The following FANK1 variants were observed in gnomAD, a reference collection of about 807,000 sequenced individuals.
FANK1 encodes the protein fibronectin type III and ankyrin repeat domains 1.
A neutral mutation model predicts 45.3 loss-of-function variants in FANK1; 44 were observed. That is an observed-to-expected ratio of 0.97 (90% CI 0.76 to 1.25). FANK1 has a LOEUF of 1.25. Among genes scored for constraint, FANK1 ranks in the 50% most tolerant of loss-of-function variants. The probability of loss-of-function intolerance (pLI) is 0.00; values close to 1 mark genes in which losing one functional copy is unlikely to be tolerated. For synonymous variants in FANK1, 149 were observed against 152.5 expected, an observed-to-expected ratio of 0.98 and a Z score of 0.17; for missense variants, 391 against 424.4, an observed-to-expected ratio of 0.92 and a Z score of 0.69.
chr10:125,925,207 A>G (rs1947261284), intron 1 of FANK1, among the ~76,000 whole-genome samples: 1 of 152,198 alleles, frequency 6.6e-6, no homozygotes, highest in South Asian at 2.1e-4. Context: ...AGAAGCATGG[A>G]TTTGTCTGTC....
chr10:125,916,356 A>AT (rs1946446118), intron 1 of FANK1, among the ~76,000 whole-genome samples: 1 of 152,254 alleles, frequency 6.6e-6, no homozygotes, highest in African/African-American at 2.4e-5. Flanking sequence ...ATTCTCATCT[A>AT]TAAAAAGTAG....
intron 1 of FANK1, among the ~76,000 whole-genome samples, chr10:125,909,639 C>G (rs1945825033): frequency 6.7e-6 from 1 of 150,012 alleles, no homozygotes; most frequent in Non-Finnish European, 1.5e-5. Context: ...CCTCCTCAGC[C>G]TTCCAAGTAG....
At chr10:125,898,897 G>GT (rs201482232) in intron 1 of FANK1, among the ~76,000 whole-genome samples, 53,365 of 128,802 alleles carry the variant, frequency 0.41, 10,434 homozygotes, top group Non-Finnish European at 0.46. Context: ...AAGTTTTGTT[G>GT]TTTTTTTTTT....
At chr10:125,949,004 C>T (rs1949012941) in intron 1 of FANK1, among the ~76,000 whole-genome samples, 1 of 146,960 alleles carries the variant, frequency 6.8e-6, no homozygotes, top group Admixed American at 6.8e-5. Context: ...ATAAACAGAG[C>T]CAAAGACAAA....
At chr10:126,004,428 A>C (rs1199451979) in intron 6 of FANK1, 1 of 153,182 alleles carries the variant, frequency 6.5e-6, no homozygotes, top group Non-Finnish European at 1.5e-5. Flanking sequence ...ATGTATTCAC[A>C]AAGTTGTGGA....
intron 1 of FANK1, among the ~76,000 whole-genome samples, chr10:125,919,747 C>T (rs1286634086): frequency 1.3e-5 from 2 of 152,098 alleles, no homozygotes; most frequent in African/African-American, 4.8e-5. Context: ...GTGAGTTTTT[C>T]CACTGAATTT....
At chr10:125,971,937 A>C (rs996593973) in intron 1 of FANK1, among the ~76,000 whole-genome samples, 5 of 152,078 alleles carry the variant, frequency 3.3e-5, no homozygotes, top group African/African-American at 1.2e-4. Flanking sequence ...GCTCCGGTCT[A>C]CATTTTATAT....
chr10:125,953,893 T>A (rs1014971444), intron 1 of FANK1, among the ~76,000 whole-genome samples: 1 of 152,138 alleles, frequency 6.6e-6, no homozygotes, highest in Non-Finnish European at 1.5e-5. Context: ...TTGGATGAAA[T>A]CTTTTGGAAG....
chr10:125,994,877 T>C (rs1952205367), intron 3 of FANK1: 2 of 985,274 alleles, frequency 2.0e-6, no homozygotes, highest in Non-Finnish European at 2.4e-6. Context: ...TCTCCCCTAA[T>C]TGGCTTTTCT....
intron 1 of FANK1, among the ~76,000 whole-genome samples, chr10:125,946,969 A>G (rs1226804882): frequency 6.9e-6 from 1 of 145,748 alleles, no homozygotes; most frequent in Admixed American, 6.8e-5. Flanking sequence ...CAACATTCTT[A>G]AAGAAAAGAA....
chr10:125,931,726 A>G (rs886583350), intron 1 of FANK1, among the ~76,000 whole-genome samples: 1 of 152,054 alleles, frequency 6.6e-6, no homozygotes, highest in African/African-American at 2.4e-5. Flanking sequence ...AGTCCCAACT[A>G]TTTATCTTTG....
At chr10:126,009,317 T>C (rs1953484911) in intron 10 of FANK1, 51 bp downstream of exon 10, 2 of 1,613,976 alleles carry the variant, frequency 1.2e-6, no homozygotes, top group East Asian at 4.5e-5. Context: ...CCTTCTAGAC[T>C]CAGAAAAACC....
At chr10:125,959,798 TAAATA>T (rs1228918913) in intron 1 of FANK1, among the ~76,000 whole-genome samples, 3 of 152,240 alleles carry the variant, frequency 2.0e-5, no homozygotes, top group South Asian at 2.1e-4. Context: ...TTCAATTTTT[TAAATA>T]AAATGTTTTC....
intron 1 of FANK1, among the ~76,000 whole-genome samples, chr10:125,975,682 T>C (rs1455217251): frequency 6.6e-6 from 1 of 152,256 alleles, no homozygotes; most frequent in African/African-American, 2.4e-5. Flanking sequence ...AAGTTCTTTA[T>C]GGATGCTGGA....
chr10:125,919,947 C>T (rs1239568323), intron 1 of FANK1, among the ~76,000 whole-genome samples: 1 of 152,190 alleles, frequency 6.6e-6, no homozygotes, highest in Non-Finnish European at 1.5e-5. Flanking sequence ...AACAAAACGA[C>T]TGTGACTTTT....
rs1951120544 is a variant in FANK1 at position 125,980,330 on chromosome 10, CATTT to C, written c.186_189del (p.Tyr63ArgfsTer22). 6.2e-7 allele frequency: 1 copy of C among 1,613,516 alleles called. No homozygotes were observed. Among genetic ancestry groups the C allele is most frequent in the Non-Finnish European group, 8.5e-7 (1 of 1,179,886 alleles). ...ACCCCAAAATGCACACTTATGGTAT[CATTT>C]ATACGTAGGTGCAGTGTTGAATTGC... On this transcript the variant is annotated frameshift_variant, in exon 2 of 11. Coordinates refer to ENST00000368693, the MANE Select transcript of FANK1 (RefSeq NM_145235.5). LOFTEE classifies it high-confidence loss of function.
chr10:125,988,924 CA>C, intron 3 of FANK1: 1 of 607,106 alleles, frequency 1.6e-6, no homozygotes, highest in Non-Finnish European at 2.9e-6. Context: ...CCATTCAGCA[CA>C]AAAGGGTGGA....
At chr10:125,917,971 G>A (rs377656840) in intron 1 of FANK1, among the ~76,000 whole-genome samples, 9 of 150,982 alleles carry the variant, frequency 6.0e-5, no homozygotes, top group South Asian at 2.1e-4. Flanking sequence ...CCCAACTACT[G>A]GGGAGGCTGA....
At chr10:125,937,069 CAAAAA>C (rs899811938) in intron 1 of FANK1, among the ~76,000 whole-genome samples, 2 of 143,016 alleles carry the variant, frequency 1.4e-5, no homozygotes, top group African/African-American at 5.1e-5. Context: ...AACTCCGTCT[CAAAAA>C]AAAAAATAAA....
Sources: allele counts gnomAD v4.1 joint callset (sites outside exome capture counted in the v4.1 genomes callset), GRCh38; gene constraint gnomAD v4.1.1; transcripts MANE v1.5; gene names NCBI Gene and HGNC (gene_info 2026-07-23, HGNC 2026-07-21).